Variants in ATP2B4 observed in about 807,000 individuals in gnomAD.
The protein encoded by ATP2B4 is ATPase plasma membrane Ca2+ transporting 4, also known as plasma membrane calcium-transporting ATPase 4.
Under a neutral mutation model 110.3 loss-of-function variants are expected in ATP2B4, and 39 were observed. The ratio of observed to expected loss-of-function variants is 0.35; its 90% CI spans 0.27 to 0.46. ATP2B4 has a LOEUF of 0.46. ATP2B4 is among the 20% of genes least tolerant of loss of function. The probability of loss-of-function intolerance (pLI) is 1.00; values close to 1 mark genes in which losing one functional copy is unlikely to be tolerated. For missense variants in ATP2B4, 1,135 were observed against 1,530.9 expected (o/e 0.74, Z 4.32); for synonymous variants, 538 against 571.7 (o/e 0.94, Z 0.84).
intron 1 of ATP2B4, among the ~76,000 whole-genome samples, chr1:203,628,717 T>TAGGTAGA (rs1320199690): frequency 6.6e-6 from 1 of 152,064 alleles, no homozygotes; most frequent in African/African-American, 2.4e-5. Flanking sequence ...CTGAGCCCTC[T>TAGGTAGA]ACCTGGAGGA....
chr1:203,709,192 A>T (rs1024269471), intron 10 of ATP2B4, 109 bp from the exon 11 acceptor site: 1 of 1,393,382 alleles, frequency 7.2e-7, no homozygotes, highest in Non-Finnish European at 9.9e-7. Context: ...TTCCCCTATG[A>T]GCTCCAGGTA....
Position 203,722,615 on chromosome 1 carries a change from GAGA to G in ATP2B4, c.2955_2957del (p.Lys985del), listed in dbSNP as rs767198929. On this transcript the variant is annotated inframe_deletion, in exon 18 of 21. Coordinates refer to ENST00000357681, the MANE Select transcript of ATP2B4 (RefSeq NM_001684.5). ...AATCAACTCCCGAAAGATCCATGGA[GAGA>G]AGAACGTCTTTTCAGGCATCTACCG... 5.0e-6 allele frequency: 8 copies of G among 1,614,196 alleles called. No individual in the cohort carries two copies. The highest frequency in any genetic ancestry group is 6.8e-6 in the Non-Finnish European group (8 of 1,180,030).
Position 203,634,385 on chromosome 1 carries a change from A to C in ATP2B4, c.-465+7166A>C, listed in dbSNP as rs562995948. Among the ~76,000 whole-genome samples, 3 of 152,326 alleles carry C rather than the reference A, an allele frequency of 2.0e-5. No homozygotes were observed. The South Asian group carries it at 6.2e-4, about 32-fold the overall frequency. On this transcript the variant is annotated intron_variant, in intron 1 of 20. Transcript: ENST00000357681. ...TTTAGAGATAGGGTCTCACTCTGTC[A>C]GCCATGTTGGAGTGCAGTGGCCCAT...
At chr1:203,723,258 C>CTTT (rs538318448) in intron 18 of ATP2B4, among the ~76,000 whole-genome samples, 9 of 138,620 alleles carry the variant, frequency 6.5e-5, no homozygotes, top group South Asian at 2.3e-4. Flanking sequence ...TCCTCAATTC[C>CTTT]TTTTTTTTTT....
intron 1 of ATP2B4, among the ~76,000 whole-genome samples, chr1:203,644,774 C>T (rs1041600089): frequency 2.6e-5 from 4 of 152,130 alleles, no homozygotes; most frequent in African/African-American, 9.7e-5. Context: ...GGCCAGTTCC[C>T]CAGGAGACTT....
chr1:203,692,818 A>G lies in ATP2B4; in HGVS notation c.194-5339A>G, dbSNP rs557060412. On this transcript the variant is annotated intron_variant, in intron 2 of 20. Transcript: ENST00000357681. Reference sequence around the variant, plus strand: ...GGTCCTGCACACTCATGGCAGACACAAATATTCCACTGCTGTTTATTCTAT... The same window carrying G: ...GGTCCTGCACACTCATGGCAGACACGAATATTCCACTGCTGTTTATTCTAT... 4.6e-5 allele frequency among the ~76,000 whole-genome samples: 7 copies of G among 152,284 alleles called. No homozygotes were observed. The South Asian group carries it at 1.5e-3, about 32-fold the overall frequency.
intron 1 of ATP2B4, among the ~76,000 whole-genome samples, chr1:203,676,585 C>T (rs1209048205): frequency 3.3e-5 from 5 of 152,124 alleles, no homozygotes; most frequent in Admixed American, 2.0e-4. Context: ...AGAGCTTAAA[C>T]CCCCCAAGGT....
intron 9 of ATP2B4, 103 bp from the exon 10 acceptor site, chr1:203,707,759 A>C: frequency 6.1e-6 from 9 of 1,481,066 alleles, no homozygotes; most frequent in Non-Finnish European, 8.3e-6. Context: ...GTGGGACTGG[A>C]AGATGAAATG....
chr1:203,675,257 GCTT>G (rs1255491712), intron 1 of ATP2B4, among the ~76,000 whole-genome samples: 3 of 152,184 alleles, frequency 2.0e-5, no homozygotes, highest in African/African-American at 7.2e-5. Context: ...TTTGGAGAAA[GCTT>G]TTGTCATCTA....
In ATP2B4 at chr1:203,700,319, A is replaced by G; in HGVS notation, c.763A>G (p.Met255Val). 7 of 1,613,126 alleles carry G rather than the reference A, an allele frequency of 4.3e-6. No individual in the cohort carries two copies. Among genetic ancestry groups the G allele is most frequent in the Non-Finnish European group, 5.9e-6 (7 of 1,179,472 alleles). Residue 255 changes from methionine (M) to valine (V), a missense_variant, in exon 5 of 21, where the codon ATG becomes GTG. Met to Val is a conservative substitution (Grantham distance 21, BLOSUM62 1). Transcript: ENST00000357681. ...CAAGAAGTCCCTGGACAAAGACCCCATGTTGCTCTCAGGTATAGGCCCTGG... is the reference window on the plus strand; with the variant it reads ...CAAGAAGTCCCTGGACAAAGACCCCGTGTTGCTCTCAGGTATAGGCCCTGG... ...HVKKSLDKDP[M>V]LLSGTHVMEG...
chr1:203,735,503 C>T (rs572839790), intron 20 of ATP2B4, among the ~76,000 whole-genome samples: 6 of 152,266 alleles, frequency 3.9e-5, no homozygotes, highest in Admixed American at 6.5e-5. Flanking sequence ...CCCCCCACCC[C>T]GACCTCTGCA....
intron 8 of ATP2B4, among the ~76,000 whole-genome samples, chr1:203,704,708 T>C (rs1665799911): frequency 6.6e-6 from 1 of 152,034 alleles, no homozygotes; most frequent in Non-Finnish European, 1.5e-5. Context: ...CTCGAACTCC[T>C]GGTCTCAAGT....
chr1:203,727,366 G>GT, intron 19 of ATP2B4, 29 bp from the exon 20 acceptor site: 1 of 1,611,736 alleles, frequency 6.2e-7, no homozygotes. Context: ...TGATTCTGAC[G>GT]TCTTCCTCTT....
intron 1 of ATP2B4, among the ~76,000 whole-genome samples, chr1:203,673,754 C>T (rs1558027231): frequency 6.6e-6 from 1 of 152,148 alleles, no homozygotes; most frequent in Non-Finnish European, 1.5e-5. Flanking sequence ...GAGCAGCTGC[C>T]CCTGGTGCTC....
At position 203,721,883 on chromosome 1, in the gene ATP2B4, G is replaced by A. The variant is rs536018646; in HGVS notation, c.2812+473G>A. ...TCATCATGTTGGCCAGGCTGGGCTC[G>A]ATCTCCTGACCTTGTGATCTGCCCA... On this transcript the variant is annotated intron_variant, in intron 17 of 20. Coordinates refer to ENST00000357681, the MANE Select transcript of ATP2B4 (RefSeq NM_001684.5). 4.7e-4 allele frequency among the ~76,000 whole-genome samples: 71 copies of A among 151,854 alleles called. 1 individual carries two copies. The highest frequency in any genetic ancestry group is 1.4e-3 in the African/African-American group (59 of 41,382).
At chr1:203,710,237 G>T (rs1665966552) in intron 11 of ATP2B4, among the ~76,000 whole-genome samples, 1 of 152,092 alleles carries the variant, frequency 6.6e-6, no homozygotes, top group Non-Finnish European at 1.5e-5. Flanking sequence ...AGGCATGGTG[G>T]TGCGTGCCTG....
rs1558046633 is a variant in ATP2B4, at chr1:203,712,149, G to A, written c.2211+10G>A. On this transcript the variant is annotated intron_variant, in intron 13 of 20. Transcript: ENST00000357681. ...CAACGAGAAAGGCGAGGTGGGTCCT[G>A]GCTAGGGGGAACCAGGACCTCACCT... 8 of 1,612,794 alleles carry A rather than the reference G, an allele frequency of 5.0e-6. No individual in the cohort carries two copies. The highest frequency in any genetic ancestry group is 1.7e-4 in the Middle Eastern group (1 of 5,950).
At chr1:203,637,810 C>G (rs1242768719) in intron 1 of ATP2B4, among the ~76,000 whole-genome samples, 1 of 152,100 alleles carries the variant, frequency 6.6e-6, no homozygotes, top group Non-Finnish European at 1.5e-5. Context: ...TTCTTGTGTC[C>G]CAAATGCCCT....
intron 1 of ATP2B4, among the ~76,000 whole-genome samples, chr1:203,634,863 C>T (rs550152185): frequency 2.0e-5 from 3 of 152,160 alleles, no homozygotes; most frequent in South Asian, 2.1e-4. Context: ...GGGGTTTCAC[C>T]GTGTTGTCCA....
Sources: gnomAD v4.1 joint callset for allele counts (sites outside exome capture counted in the v4.1 genomes callset) on GRCh38, gnomAD v4.1.1 for gene constraint, MANE v1.5 for transcripts, NCBI Gene and HGNC (gene_info 2026-07-23, HGNC 2026-07-21) for gene names.